CAMK2B: variants seen among roughly 807,000 people sequenced by gnomAD.
The protein encoded by CAMK2B is calcium/calmodulin dependent protein kinase II beta, also known as calcium/calmodulin-dependent protein kinase type II subunit beta.
CAMK2B carries 27 observed loss-of-function variants against 93.7 expected under a neutral mutation model. The ratio of observed to expected loss-of-function variants is 0.29; its 90% confidence interval spans 0.21 to 0.40. The LOEUF (loss-of-function observed/expected upper bound fraction) is 0.40. Among genes scored for constraint, CAMK2B ranks in the 10% least tolerant of loss-of-function variants. The probability of loss-of-function intolerance (pLI) is 1.00; values close to 1 mark genes in which losing one functional copy is unlikely to be tolerated. For synonymous variants in CAMK2B, 374 were observed against 358.8 expected, an observed-to-expected ratio of 1.04 and a Z score of -0.48; for missense variants, 568 against 895.8, an observed-to-expected ratio of 0.63 and a Z score of 4.67.
rs202048951 is a variant in CAMK2B at position 44,279,154 on chromosome 7, AC to A, written c.160+4976del. ...TAAAGCTCCTGTGGCTGTTTTTGGAACCCTTTTCTGCTAGGGATGCATGCTG... is the reference window on the plus strand; with the variant it reads ...TAAAGCTCCTGTGGCTGTTTTTGGAACCTTTTCTGCTAGGGATGCATGCTG... On this transcript the variant is annotated intron_variant, in intron 2 of 23. Coordinates refer to ENST00000395749, the MANE Select transcript of CAMK2B (RefSeq NM_001220.5). Among the ~76,000 whole-genome samples, 562 of 152,246 alleles carry A rather than the reference AC, an allele frequency of 3.7e-3. 2 individuals carry two copies. The highest frequency in any genetic ancestry group is 0.013 in the African/African-American group (537 of 41,528).
In CAMK2B at chr7:44,286,273, GC is replaced by G. The variant is rs1356040570; in HGVS notation, c.66-2049del. Among the ~76,000 whole-genome samples the G allele has an allele frequency of 6.6e-6, 1 of 152,172 alleles. No homozygotes were observed. The highest frequency in any genetic ancestry group is 1.5e-5 in the Non-Finnish European group (1 of 68,022). ...GCTCTGACCCCTAGAGGGCTCAGCG[GC>G]CACAGGGCTGACGTGGCAGGCCTCC... On this transcript the variant is annotated intron_variant, in intron 1 of 23. Transcript: ENST00000395749. This position sits in a 1 kb window ranked among gnomAD's most constrained non-coding sequence, Gnocchi z 4.0.
At chr7:44,226,495 G>C (rs771881009) in intron 20 of CAMK2B, 21 bp downstream of exon 20, 12 of 1,392,176 alleles carry the variant, frequency 8.6e-6, no homozygotes, top group Admixed American at 3.1e-5. Context: ...CGCTGCCACG[G>C]CCACTCAAGG....
chr7:44,273,452 C>A (rs2096994867), intron 2 of CAMK2B, among the ~76,000 whole-genome samples: 1 of 152,194 alleles, frequency 6.6e-6, no homozygotes, highest in Non-Finnish European at 1.5e-5. Context: ...CCTAGACTCT[C>A]CAGTCTAGGA....
At chr7:44,320,833 C>T (rs908659289) in intron 1 of CAMK2B, among the ~76,000 whole-genome samples, 90 of 152,316 alleles carry the variant, frequency 5.9e-4, no homozygotes, top group African/African-American at 2.1e-3. Flanking sequence ...TTCCCCACCT[C>T]GGGCCAGGCA....
chr7:44,318,402 C>T (rs1282861142), intron 1 of CAMK2B, among the ~76,000 whole-genome samples: 4 of 152,218 alleles, frequency 2.6e-5, no homozygotes, highest in African/African-American at 9.6e-5. Context: ...TGTGCCACTG[C>T]TCTGGGAAGC....
chr7:44,222,175 C>T (rs975686757), intron 20 of CAMK2B, among the ~76,000 whole-genome samples: 3 of 152,182 alleles, frequency 2.0e-5, no homozygotes, highest in African/African-American at 7.2e-5. Context: ...AAAACTCAAA[C>T]CCCCAGAAGT....
intron 3 of CAMK2B, chr7:44,259,701 A>C (rs562072278): frequency 6.6e-6 from 1 of 152,470 alleles, no homozygotes; most frequent in South Asian, 2.1e-4. Context: ...ATTTCAGCAC[A>C]AAGCAAGCAA....
chr7:44,227,750 A>ACCAAGGT (rs2096529239), intron 19 of CAMK2B, among the ~76,000 whole-genome samples: 1 of 4,762 alleles, frequency 2.1e-4, no homozygotes, highest in Non-Finnish European at 3.3e-4. Context: ...GGGACAGAGG[A>ACCAAGGT]GGGTGTGGGG....
rs759522806 is a variant in CAMK2B, at chr7:44,229,179, G to C, written c.1339+209C>G. On this transcript the variant is annotated intron_variant, in intron 18 of 23. Coordinates refer to ENST00000395749, the MANE Select transcript of CAMK2B (RefSeq NM_001220.5). ...GCCTCCCATCCTGCCCAGTGGCCTTGAGCAGGAAAGTGGTCCAGGGCCCTC... is the reference window on the plus strand; with the variant it reads ...GCCTCCCATCCTGCCCAGTGGCCTTCAGCAGGAAAGTGGTCCAGGGCCCTC... 25 of 615,590 alleles carry C rather than the reference G, an allele frequency of 4.1e-5. No individual in the cohort carries two copies. The South Asian group carries it at 4.6e-4, about 11-fold the overall frequency. 38.1% of individuals were successfully genotyped at this position (615,590 alleles called of 1,614,324 possible).
At chr7:44,265,934 G>C in intron 2 of CAMK2B, among the ~76,000 whole-genome samples, 1 of 152,010 alleles carries the variant, frequency 6.6e-6, no homozygotes, top group Non-Finnish European at 1.5e-5. Flanking sequence ...CACACACGTC[G>C]TATCGAGTGC....
Position 44,242,295 on chromosome 7 carries a change from G to C in CAMK2B, c.742C>G (p.Leu248Val). Reference protein sequence around the residue: ...WDTVTPEAKNLINQMLTINPA... With the variant: ...WDTVTPEAKNVINQMLTINPA... ...TTGATGGTCAGCATCTGGTTGATGA[G>C]GTTTTTGGCTTCAGGAGTGACGGTG... Residue 248 changes from leucine (L) to valine (V), a missense_variant, in exon 10 of 24, where the codon CTC (leucine) becomes GTC (valine). Transcript: ENST00000395749. 6.2e-7 allele frequency: 1 copy of C among 1,614,108 alleles called. No homozygotes were observed. The highest frequency in any genetic ancestry group is 8.5e-7 in the Non-Finnish European group (1 of 1,179,938).
At chr7:44,294,257 G>A (rs540190643) in intron 1 of CAMK2B, among the ~76,000 whole-genome samples, 9 of 152,330 alleles carry the variant, frequency 5.9e-5, no homozygotes, top group South Asian at 2.1e-4. Context: ...CAGGACCAAC[G>A]GAAGGGGTGC....
intron 5 of CAMK2B, among the ~76,000 whole-genome samples, chr7:44,249,084 T>C (rs917735056): frequency 6.6e-6 from 1 of 152,230 alleles, no homozygotes; most frequent in African/African-American, 2.4e-5. Flanking sequence ...TGTAGAGGGC[T>C]GTGTCCCTGA....
At chr7:44,294,287 A>C (rs555671967) in intron 1 of CAMK2B, among the ~76,000 whole-genome samples, 1 of 152,188 alleles carries the variant, frequency 6.6e-6, no homozygotes, top group East Asian at 1.9e-4. Flanking sequence ...CAGGACAAGG[A>C]CACAGGCATC....
At chr7:44,252,211 C>T (rs2096787073) in intron 5 of CAMK2B, among the ~76,000 whole-genome samples, 1 of 152,078 alleles carries the variant, frequency 6.6e-6, no homozygotes, top group Non-Finnish European at 1.5e-5. Flanking sequence ...ACCCCCATGG[C>T]TGGAGTTGCC....
intron 11 of CAMK2B, 87 bp downstream of exon 11, chr7:44,241,613 G>T: frequency 9.7e-7 from 1 of 1,030,074 alleles, no homozygotes; most frequent in South Asian, 1.4e-5. Context: ...CCCTAGGTCT[G>T]CCCAGACCCC....
chr7:44,307,033 G>A (rs1162009900), intron 1 of CAMK2B, among the ~76,000 whole-genome samples: 8 of 137,746 alleles, frequency 5.8e-5, no homozygotes, highest in South Asian at 2.5e-4. Context: ...GGTGTGAGCA[G>A]GGAGAGGAGG....
chr7:44,316,462 A>T (rs908485592), intron 1 of CAMK2B, among the ~76,000 whole-genome samples: 8 of 152,192 alleles, frequency 5.3e-5, no homozygotes, highest in African/African-American at 1.9e-4. Flanking sequence ...ATCTGCATTC[A>T]TAAGTGATAA....
At chr7:44,306,877 GA>G (rs1791782023) in intron 1 of CAMK2B, among the ~76,000 whole-genome samples, 2 of 141,456 alleles carry the variant, frequency 1.4e-5, no homozygotes, top group Non-Finnish European at 1.6e-5. Context: ...GTGTGAGCAG[GA>G]GGAGGAGGGT....
Sources: gnomAD v4.1 joint callset for allele counts (sites outside exome capture counted in the v4.1 genomes callset) on GRCh38, gnomAD v4.1.1 for gene constraint, Gnocchi (gnomAD v3.1) non-coding constraint, MANE v1.5 for transcripts, NCBI Gene and HGNC (gene_info 2026-07-23, HGNC 2026-07-21) for gene names.